RBM12B: variants seen among roughly 807,000 people sequenced by gnomAD.
The protein encoded by RBM12B is RNA-binding protein 12B.
RBM12B carries 10 observed loss-of-function variants against 34.3 expected under a neutral mutation model. The ratio of observed to expected loss-of-function variants is 0.29; its 90% CI spans 0.18 to 0.49. The LOEUF (loss-of-function observed/expected upper bound fraction) is 0.49, where lower values mean the gene tolerates loss of function less well. Among genes scored for constraint, RBM12B ranks in the 20% least tolerant of loss-of-function variants. RBM12B has a pLI of 0.99. For missense variants in RBM12B, 1,139 were observed against 1,262.7 expected, an observed-to-expected ratio of 0.90 and a Z score of 1.48; for synonymous variants, 477 against 437.1, an observed-to-expected ratio of 1.09 and a Z score of -1.14.
Position 93,732,531 on chromosome 8 carries a change from A to G in RBM12B, c.*874T>C, listed in dbSNP as rs1449748045. The stretch of plus-strand genomic sequence containing the variant: ...ATACCACTTGTCAGATTCTTCCAGC[A>G]TAAGCCTGAGTCCCCTTGCACCTAT... On this transcript the variant is annotated 3_prime_UTR_variant, in exon 4 of 4. Coordinates refer to ENST00000520560, the MANE Select transcript of RBM12B (RefSeq NM_001377960.1). The G allele has an allele frequency of 6.6e-6, 1 of 152,206 alleles. No individual in the cohort carries two copies. The highest frequency in any genetic ancestry group is 1.5e-5 in the Non-Finnish European group (1 of 68,028). 9.4% of individuals were successfully genotyped at this position (152,206 alleles called of 1,614,324 possible).
At position 93,736,275 on chromosome 8, in the gene RBM12B, T is replaced by TAAAGGGA; in HGVS notation, c.135_136insTCCCTTT (p.Ile46SerfsTer8). 6.2e-7 allele frequency: 1 copy of TAAAGGGA among 1,614,080 alleles called. No homozygotes were observed. Among genetic ancestry groups the TAAAGGGA allele is most frequent in the Non-Finnish European group, 8.5e-7 (1 of 1,180,016 alleles). On this transcript the variant is annotated frameshift_variant, in exon 4 of 4. Transcript: ENST00000520560. LOFTEE classifies it high-confidence loss of function. Reference sequence around the variant, plus strand: ...CTTGCATCTTCATCTGTTGCAAAAATAATAAAAGCCTCCCCAATTTCCCCT... The same window carrying TAAAGGGA: ...CTTGCATCTTCATCTGTTGCAAAAATAAAGGGAAATAAAAGCCTCCCCAATTTCCCCT...
At position 93,732,531 on chromosome 8, in the gene RBM12B, A is replaced by C. The variant is rs1449748045; in HGVS notation, c.*874T>G. ...ATACCACTTGTCAGATTCTTCCAGC[A>C]TAAGCCTGAGTCCCCTTGCACCTAT... On this transcript the variant is annotated 3_prime_UTR_variant, in exon 4 of 4. Coordinates refer to ENST00000520560, the MANE Select transcript of RBM12B (RefSeq NM_001377960.1). 6.6e-6 allele frequency: 1 copy of C among 152,206 alleles called. No individual in the cohort carries two copies. The highest frequency in any genetic ancestry group is 1.5e-5 in the Non-Finnish European group (1 of 68,028). The allele number at this position is 152,206 out of a possible 1,614,324, so 9.4% of individuals were successfully genotyped here. A position where few individuals can be genotyped will look rare whatever the true frequency, so the allele number is the denominator to read the frequency against.
At chr8:93,737,058 C>T (rs1042506467) in intron 3 of RBM12B, among the ~76,000 whole-genome samples, 2 of 152,120 alleles carry the variant, frequency 1.3e-5, no homozygotes, top group East Asian at 1.9e-4. Context: ...AAAAATTAGC[C>T]GGGCATGGTG....
In RBM12B at chr8:93,729,491, C is replaced by G. The variant is rs1429709477; in HGVS notation, c.*3914G>C. The G allele has an allele frequency of 6.6e-6, 1 of 152,148 alleles. No homozygotes were observed. Among genetic ancestry groups the G allele is most frequent in the Non-Finnish European group, 1.5e-5 (1 of 68,002 alleles). The allele number at this position is 152,148 out of a possible 1,614,324, so 9.4% of individuals were successfully genotyped here. On this transcript the variant is annotated 3_prime_UTR_variant, in exon 4 of 4. Coordinates refer to ENST00000520560, the MANE Select transcript of RBM12B (RefSeq NM_001377960.1). ...TATTATTTTGCTGCTTACTAAATAG[C>G]AACTTCTCTTGAGCATTATTTGCCT...
chr8:93,740,969 G>C lies in RBM12B; in HGVS notation c.-234C>G, dbSNP rs1158974394. ...CCCAAAACAGGTAGACCCTCAGTGA[G>C]CCCAGAAGAAGATGGCGCCCACTGC... On this transcript the variant is annotated 5_prime_UTR_variant, in exon 1 of 4. Coordinates refer to ENST00000520560, the MANE Select transcript of RBM12B (RefSeq NM_001377960.1). 3 of 178,916 alleles carry C rather than the reference G, an allele frequency of 1.7e-5. No homozygotes were observed. The highest frequency in any genetic ancestry group is 5.5e-5 in the Admixed American group (1 of 18,144). 11.1% of individuals were successfully genotyped at this position (178,916 alleles called of 1,614,324 possible).
Position 93,734,495 on chromosome 8 carries a change from G to A in RBM12B, c.1916C>T (p.Pro639Leu). 6.2e-7 allele frequency: 1 copy of A among 1,607,646 alleles called. No homozygotes were observed. Among genetic ancestry groups the A allele is most frequent in the Middle Eastern group, 1.7e-4 (1 of 6,026 alleles). Residue 639 changes from proline (P) to leucine (L), a missense_variant, in exon 4 of 4, where the codon CCC becomes CTC. By Grantham distance (98) the Pro-to-Leu change is moderately conservative. Coordinates refer to ENST00000520560, the MANE Select transcript of RBM12B (RefSeq NM_001377960.1). Reference sequence around the variant, plus strand: ...GGGGAGCTGCCTGAAGTCCTCCGTGGGAGACCGCCTGAAATCCTCCTCCAG... The same window carrying A: ...GGGGAGCTGCCTGAAGTCCTCCGTGAGAGACCGCCTGAAATCCTCCTCCAG... ...RPLEEDFRRS[P>L]TEDFRQLPEE...
intron 2 of RBM12B, among the ~76,000 whole-genome samples, chr8:93,738,242 A>G (rs963560403): frequency 2.0e-5 from 3 of 152,254 alleles, no homozygotes; most frequent in Non-Finnish European, 2.9e-5. Flanking sequence ...TAATGCCAAT[A>G]GCAGATTTCC....
chr8:93,734,074 G>T lies in RBM12B; in HGVS notation c.2337C>A (p.Phe779Leu). Residue 779 changes from phenylalanine (F) to leucine (L), a missense_variant, in exon 4 of 4, where the codon TTC becomes TTA. By Grantham distance (22) the Phe-to-Leu change is conservative. Coordinates refer to ENST00000520560, the MANE Select transcript of RBM12B (RefSeq NM_001377960.1). Reference protein sequence around the residue: ...EHFRRPPPEHFRRPPQEHFRR... With the variant: ...EHFRRPPPEHLRRPPQEHFRR... The stretch of plus-strand genomic sequence containing the variant: ...TGAAATGCTCCTGGGGCGGTCTCCG[G>T]AAGTGCTCCGGGGGCGGGCGCCTGA... The T allele has an allele frequency of 6.4e-7, 1 of 1,573,954 alleles. No individual in the cohort carries two copies. The highest frequency in any genetic ancestry group is 8.6e-7 in the Non-Finnish European group (1 of 1,163,198).
Position 93,734,782 on chromosome 8 carries a change from G to C in RBM12B, c.1629C>G (p.Pro543=). ...DLRQLDNFKH[P]QRDFRQPDRH... is the part of the protein sequence containing the mutation. ...TGTCAGGCTGCCGGAAATCCCTCTG[G>C]GGATGCTTGAAGTTATCCAGTTGCC... The change falls in exon 4 of 4, where the codon CCC becomes CCG. Residue 543 remains proline (P), a synonymous_variant. Coordinates refer to ENST00000520560, the MANE Select transcript of RBM12B (RefSeq NM_001377960.1). 1 of 1,614,108 alleles carries C rather than the reference G, an allele frequency of 6.2e-7. No individual in the cohort carries two copies. Among genetic ancestry groups the C allele is most frequent in the Non-Finnish European group, 8.5e-7 (1 of 1,180,012 alleles).
In RBM12B at chr8:93,728,996, G is replaced by T. The variant is rs1325557107; in HGVS notation, c.*4409C>A. The T allele has an allele frequency of 1.3e-5, 2 of 152,114 alleles. No homozygotes were observed. The highest frequency in any genetic ancestry group is 4.8e-5 in the African/African-American group (2 of 41,524). 9.4% of individuals were successfully genotyped at this position (152,114 alleles called of 1,614,324 possible). The stretch of plus-strand genomic sequence containing the variant: ...TGTTGCCTCATCATAGAACACCATA[G>T]ATCATTAAAAATTCTATAAAAATTT... On this transcript the variant is annotated 3_prime_UTR_variant, in exon 4 of 4. Transcript: ENST00000520560.
chr8:93,739,522 C>T (rs1230789860), intron 2 of RBM12B, among the ~76,000 whole-genome samples: 1 of 152,138 alleles, frequency 6.6e-6, no homozygotes, highest in Non-Finnish European at 1.5e-5. Context: ...CCTTGGAGAC[C>T]AACTGTAAGA....
chr8:93,733,384 G>C lies in RBM12B; in HGVS notation c.*21C>G. 2.0e-6 allele frequency: 3 copies of C among 1,502,794 alleles called. No individual in the cohort carries two copies. The highest frequency in any genetic ancestry group is 2.7e-6 in the Non-Finnish European group (3 of 1,126,746). 93.1% of individuals were successfully genotyped at this position (1,502,794 alleles called of 1,614,324 possible). Reference sequence around the variant, plus strand: ...CATCAATACTGCAAGGAAGATAACTGAATTTAGAAATGCTCTCTCTCTACA... The same window carrying C: ...CATCAATACTGCAAGGAAGATAACTCAATTTAGAAATGCTCTCTCTCTACA... On this transcript the variant is annotated 3_prime_UTR_variant, in exon 4 of 4. Transcript: ENST00000520560.
At chr8:93,740,400 T>C (rs1382112251) in intron 2 of RBM12B, 5 of 457,274 alleles carry the variant, frequency 1.1e-5, no homozygotes, top group Admixed American at 4.7e-5. Flanking sequence ...TCCGATGTTG[T>C]CGCCAGACTT....
rs756409850 is a variant in RBM12B, at chr8:93,734,193, G to A, written c.2218C>T (p.Arg740Trp). Residue 740 changes from arginine to tryptophan, a missense_variant, in exon 4 of 4, where the codon CGG becomes TGG. This residue lies in a region of RBM12B where 863 missense variants were observed against 869.5 expected (regional missense o/e 0.99). Transcript: ENST00000520560. ...HFRRPPPEHF[R>W]RPPPEHFRRP... ...CTAAAATGCTCTGGAGGTGGTCTCC[G>A]GAAATGCTCTGGGGGTGGCCGACGG... 52 of 1,580,770 alleles carry A rather than the reference G, an allele frequency of 3.3e-5. No individual in the cohort carries two copies. Among genetic ancestry groups the A allele is most frequent in the Admixed American group, 1.8e-4 (10 of 56,226 alleles).
At position 93,736,198 on chromosome 8, in the gene RBM12B, G is replaced by A. The variant is rs571889614; in HGVS notation, c.213C>T (p.Leu71=). The A allele has an allele frequency of 3.1e-6, 5 of 1,614,016 alleles. No individual in the cohort carries two copies. Among genetic ancestry groups the A allele is most frequent in the South Asian group, 1.1e-5 (1 of 91,080 alleles). The change falls in exon 4 of 4, where the codon CTC becomes CTT. Residue 71 remains leucine, a synonymous_variant. Coordinates refer to ENST00000520560, the MANE Select transcript of RBM12B (RefSeq NM_001377960.1). ...GGFIKDSSVE[L]FLSSKAEMQK... ...GCATTTCTGCCTTGCTACTAAGAAA[G>A]AGCTCTACAGATGAATCCTTGATAA...
At position 93,735,101 on chromosome 8, in the gene RBM12B, T is replaced by A. The variant is rs1429503603; in HGVS notation, c.1310A>T (p.Lys437Ile). 1.2e-6 allele frequency: 2 copies of A among 1,614,158 alleles called. No homozygotes were observed. Among genetic ancestry groups the A allele is most frequent in the Non-Finnish European group, 1.7e-6 (2 of 1,180,030 alleles). The part of the protein sequence containing the change: ...EDDIYLLYDD[K>I]GVGLGEALVK... ...TAATGCTTCTCCCAGACCAACACCT[T>A]TGTCATCATAAAGCAAGTAAATGTC... Residue 437 changes from lysine to isoleucine, a missense_variant, in exon 4 of 4, where the codon AAA becomes ATA. By Grantham distance (102) the Lys-to-Ile change is moderately radical (BLOSUM62 -3). Transcript: ENST00000520560.
chr8:93,736,376 A>C lies in RBM12B; in HGVS notation c.35T>G (p.Phe12Cys), dbSNP rs763813069. 6.2e-7 allele frequency: 1 copy of C among 1,604,004 alleles called. No individual in the cohort carries two copies. The highest frequency in any genetic ancestry group is 2.2e-5 in the East Asian group (1 of 44,828). ...ACGAATATCCACAGGCCCCGCAATA[A>C]AAGGAAGCCCCAGTAAACGGATGAC... ...AVVIRLLGLP[F>C]IAGPVDIRHF... The change falls in exon 4 of 4, where the codon TTT becomes TGT. Residue 12 changes from phenylalanine to cysteine, a missense_variant. This residue lies in a region of RBM12B where 216 missense variants were observed against 292.2 expected (regional missense o/e 0.74). Transcript: ENST00000520560.
At position 93,735,516 on chromosome 8, in the gene RBM12B, C is replaced by T. The variant is rs748219683; in HGVS notation, c.895G>A (p.Asp299Asn). Residue 299 changes from aspartate (D) to asparagine (N), a missense_variant, in exon 4 of 4, where the codon GAT (aspartate) becomes AAT (asparagine). By Grantham distance (23) the Asp-to-Asn change is conservative. Around this residue, in one of 3 missense-constraint regions of RBM12B, gnomAD observed 863 missense variants for 869.5 expected, o/e 0.99. Coordinates refer to ENST00000520560, the MANE Select transcript of RBM12B (RefSeq NM_001377960.1). ...GTACCTCTAAAGAAATTTCTTAAAT[C>T]TCTTTCGTCAATACTGAGGGACAGA... ...KNLSLSIDER[D>N]LRNFFRGTDL... The T allele has an allele frequency of 2.5e-6, 4 of 1,613,422 alleles. No individual in the cohort carries two copies. Among genetic ancestry groups the T allele is most frequent in the Middle Eastern group, 1.6e-4 (1 of 6,082 alleles).
Position 93,734,236 on chromosome 8 carries a change from C to T in RBM12B, c.2175G>A (p.Arg725=), listed in dbSNP as rs1399002200. The change falls in exon 4 of 4, where the codon AGG becomes AGA. Residue 725 remains arginine (R), a synonymous_variant. Coordinates refer to ENST00000520560, the MANE Select transcript of RBM12B (RefSeq NM_001377960.1). ...GCCGACGGAAATGCTCCTGAGGTGG[C>T]CTCCGGAAATGCTCCTGGGGTGACT... The part of the protein sequence containing the change: ...FRQSPQEHFR[R]PPQEHFRRPP... 2 of 1,605,510 alleles carry T rather than the reference C, an allele frequency of 1.2e-6. No homozygotes were observed. The highest frequency in any genetic ancestry group is 1.7e-6 in the Non-Finnish European group (2 of 1,175,288).
Sources: allele counts gnomAD v4.1 joint callset (sites outside exome capture counted in the v4.1 genomes callset), GRCh38; gene constraint gnomAD v4.1.1; regional missense constraint gnomAD v4.1.1; transcripts MANE v1.5; gene names NCBI Gene and HGNC (gene_info 2026-07-23, HGNC 2026-07-21).